Variants in MGAT4C observed in about 807,000 individuals in gnomAD.
The protein encoded by MGAT4C is MGAT4 family member C.
A neutral mutation model predicts 40.1 loss-of-function variants in MGAT4C; 19 were observed. The observed-to-expected ratio is 0.47, with a 90% CI of 0.33 to 0.70. MGAT4C has a LOEUF of 0.70. Among genes scored for constraint, MGAT4C ranks in the 30% least tolerant of loss-of-function variants. MGAT4C has a pLI of 0.02. For missense variants in MGAT4C, 491 were observed against 563.2 expected, an observed-to-expected ratio of 0.87 and a Z score of 1.30; for synonymous variants, 181 against 187.1, an observed-to-expected ratio of 0.97 and a Z score of 0.27.
intron 2 of MGAT4C, among the ~76,000 whole-genome samples, chr12:86,670,054 G>GAA (rs140213435): frequency 7.4e-5 from 11 of 149,468 alleles, no homozygotes; most frequent in Non-Finnish European, 1.2e-4. Flanking sequence ...AAAAGAAAAA[G>GAA]AAAAAAAAAC....
rs535435565 is a variant in MGAT4C at position 86,218,073 on chromosome 12, G to A, written c.-57+38166C>T. Among the ~76,000 whole-genome samples, 8 of 151,790 alleles carry A rather than the reference G, an allele frequency of 5.3e-5. No homozygotes were observed. In the East Asian group the frequency reaches 1.5e-3, roughly 29 times the overall value. ...AACTTTTTTTTTGGAGCATTAGTCG[G>A]CTTTTTACAGGAAATTGTAAAAGGT... On this transcript the variant is annotated intron_variant, in intron 1 of 4. Coordinates refer to ENST00000611864, the MANE Select transcript of MGAT4C (RefSeq NM_001351288.2).
intron 1 of MGAT4C, among the ~76,000 whole-genome samples, chr12:86,830,715 T>TCAAA (rs1952907574): frequency 9.0e-6 from 1 of 110,932 alleles, no homozygotes; most frequent in Non-Finnish European, 2.0e-5. Flanking sequence ...TGGCTCCTAA[T>TCAAA]GAAACAAACA....
chr12:86,561,932 G>C (rs1012612649), intron 2 of MGAT4C, among the ~76,000 whole-genome samples: 4 of 152,166 alleles, frequency 2.6e-5, no homozygotes, highest in African/African-American at 9.7e-5. Context: ...TAAAAGTATA[G>C]AGAACACTGA....
chr12:86,412,633 G>T (rs562104899), intron 3 of MGAT4C, among the ~76,000 whole-genome samples: 13 of 152,200 alleles, frequency 8.5e-5, no homozygotes, highest in Non-Finnish European at 1.5e-4. Flanking sequence ...AGGTGGAAGG[G>T]ACTTGCCTTG....
intron 2 of MGAT4C, among the ~76,000 whole-genome samples, chr12:86,700,166 C>T (rs80006064): frequency 0.44 from 40,919 of 93,208 alleles, 6,163 homozygotes; most frequent in South Asian, 0.53. Flanking sequence ...GACAGACAGA[C>T]AGACAGACAG....
At position 86,169,477 on chromosome 12, in the gene MGAT4C, G is replaced by A. The variant is rs190268872; in HGVS notation, c.-57+86762C>T. On this transcript the variant is annotated intron_variant, in intron 1 of 4. Transcript: ENST00000611864. ...TAATTGAAGGACAGTTATTCATTTTGCAACTCAAGTTCAAACTTCATCTCC... is the reference window on the plus strand; with the variant it reads ...TAATTGAAGGACAGTTATTCATTTTACAACTCAAGTTCAAACTTCATCTCC... Among the ~76,000 whole-genome samples the A allele has an allele frequency of 1.5e-3, 221 of 152,180 alleles. 2 individuals carry two copies. Among genetic ancestry groups the A allele is most frequent in the African/African-American group, 4.5e-3 (188 of 41,526 alleles).
chr12:86,379,872 A>G (rs1313406433), intron 3 of MGAT4C, among the ~76,000 whole-genome samples: 5 of 152,100 alleles, frequency 3.3e-5, no homozygotes, highest in Non-Finnish European at 5.9e-5. Context: ...TGTTAAAGGT[A>G]TTCATCTAAC....
intron 2 of MGAT4C, among the ~76,000 whole-genome samples, chr12:86,692,306 C>T (rs1403097988): frequency 6.6e-6 from 1 of 152,038 alleles, no homozygotes; most frequent in Non-Finnish European, 1.5e-5. Flanking sequence ...ACAGTACGTA[C>T]ATAGTATAAT....
intron 3 of MGAT4C, among the ~76,000 whole-genome samples, chr12:86,401,309 T>G (rs1305135109): frequency 1.7e-4 from 26 of 151,368 alleles, no homozygotes; most frequent in Non-Finnish European, 1.0e-4. Flanking sequence ...TGTGTATATA[T>G]ATATATATTT....
chr12:86,469,140 C>T (rs924510739), intron 2 of MGAT4C, among the ~76,000 whole-genome samples: 2 of 152,046 alleles, frequency 1.3e-5, no homozygotes, highest in African/African-American at 4.8e-5. Flanking sequence ...GAAATATACA[C>T]ACCTGCTGTA....
At chr12:86,595,493 T>C (rs1290546550) in intron 2 of MGAT4C, among the ~76,000 whole-genome samples, 1 of 149,696 alleles carries the variant, frequency 6.7e-6, no homozygotes, top group African/African-American at 2.5e-5. Flanking sequence ...ATTGTACCAC[T>C]GCACTCCAGC....
chr12:86,289,781 T>C (rs988956085), intron 4 of MGAT4C, among the ~76,000 whole-genome samples: 3 of 152,196 alleles, frequency 2.0e-5, no homozygotes, highest in Non-Finnish European at 4.4e-5. Flanking sequence ...GCTAACGTGT[T>C]ATTTTGCTTT....
intron 3 of MGAT4C, among the ~76,000 whole-genome samples, chr12:86,342,238 G>C (rs992657587): frequency 5.9e-5 from 9 of 152,280 alleles, no homozygotes; most frequent in Non-Finnish European, 8.8e-5. Flanking sequence ...CTAGGGAATG[G>C]AGCAAGCCCC....
chr12:86,568,379 C>T (rs546395371), intron 2 of MGAT4C, among the ~76,000 whole-genome samples: 2 of 152,022 alleles, frequency 1.3e-5, no homozygotes, highest in African/African-American at 4.8e-5. Flanking sequence ...CTTGGACTTA[C>T]ACTAGTGGTC....
intron 3 of MGAT4C, among the ~76,000 whole-genome samples, chr12:86,433,980 A>C (rs1003636190): frequency 3.3e-5 from 5 of 152,020 alleles, no homozygotes; most frequent in Non-Finnish European, 5.9e-5. Flanking sequence ...CTAATCAATA[A>C]ATACCTATTG....
At chr12:86,365,198 TC>T (rs1362346816) in intron 3 of MGAT4C, among the ~76,000 whole-genome samples, 5 of 152,144 alleles carry the variant, frequency 3.3e-5, no homozygotes, top group Admixed American at 6.5e-5. Context: ...GCAATATTTT[TC>T]CCATTTGCTT....
At chr12:86,284,679 T>A (rs1953305148) in intron 4 of MGAT4C, among the ~76,000 whole-genome samples, 1 of 152,042 alleles carries the variant, frequency 6.6e-6, no homozygotes, top group Non-Finnish European at 1.5e-5. Flanking sequence ...ATTAAAGATT[T>A]GTTTTGACAT....
intron 1 of MGAT4C, among the ~76,000 whole-genome samples, chr12:86,064,885 A>G (rs749163831): frequency 1.3e-4 from 20 of 152,234 alleles, no homozygotes; most frequent in Non-Finnish European, 2.2e-4. Context: ...GGATATCACC[A>G]CTGATCCCAC....
At chr12:86,651,209 T>G (rs1198868267) in intron 2 of MGAT4C, among the ~76,000 whole-genome samples, 1 of 151,914 alleles carries the variant, frequency 6.6e-6, no homozygotes, top group East Asian at 1.9e-4. Flanking sequence ...CTGTGATCTA[T>G]TAGAGAAGCA....
Sources: allele counts gnomAD v4.1 joint callset (sites outside exome capture counted in the v4.1 genomes callset), GRCh38; gene constraint gnomAD v4.1.1; transcripts MANE v1.5; gene names NCBI Gene and HGNC (gene_info 2026-07-23, HGNC 2026-07-21).